Variants in COL22A1 observed in about 807,000 individuals in gnomAD.
COL22A1 encodes the protein collagen type XXII alpha 1 chain, also known as collagen alpha-1(XXII) chain.
In COL22A1, 221 loss-of-function variants were observed where a neutral mutation model predicts 248.9. The observed-to-expected ratio is 0.89, with a 90% CI of 0.80 to 0.99. COL22A1 has a LOEUF of 0.99. Among genes scored for constraint, COL22A1 ranks in the 50% least tolerant of loss-of-function variants. COL22A1 has a pLI of 0.00. For synonymous variants in COL22A1, 891 were observed against 793.4 expected (o/e 1.12, Z -2.07); for missense variants, 2,240 against 2,179.0 (o/e 1.03, Z -0.56).
intron 1 of COL22A1, among the ~76,000 whole-genome samples, chr8:138,904,996 T>C (rs1814905197): frequency 6.6e-6 from 1 of 152,212 alleles, no homozygotes; most frequent in Non-Finnish European, 1.5e-5. Context: ...GGTTGCCTCA[T>C]CTGTAAAAAG....
At chr8:138,623,262 ATGTGTGTGTGTGTGTGTG>A (rs5895542) in intron 52 of COL22A1, among the ~76,000 whole-genome samples, 20 of 143,570 alleles carry the variant, frequency 1.4e-4, no homozygotes, top group African/African-American at 4.5e-4. Flanking sequence ...ATATATATTT[ATGTGTGTGTGTGTGTGTG>A]TGTGTGTGTG....
chr8:138,834,227 C>A (rs1357140644), intron 4 of COL22A1, among the ~76,000 whole-genome samples: 1 of 151,958 alleles, frequency 6.6e-6, no homozygotes, highest in South Asian at 2.1e-4. Flanking sequence ...CCAGGCTGAA[C>A]TCACCTGTGC....
chr8:138,623,866 T>C lies in COL22A1; in HGVS notation c.3718-81A>G, dbSNP rs372777897. The C allele has an allele frequency of 1.8e-4, 226 of 1,261,632 alleles. No homozygotes were observed. In the African/African-American group the frequency reaches 3.0e-3, roughly 17 times the overall value. 78.2% of individuals were successfully genotyped at this position (1,261,632 alleles called of 1,614,324 possible). A position where few individuals can be genotyped will look rare whatever the true frequency, so the allele number is the denominator to read the frequency against. ...AGACGAAGGCAGTTTCAGCATGTCT[T>C]CCTGCCCAGCTTCCAGCAGTTGCCT... On this transcript the variant is annotated intron_variant, in intron 51 of 64. Coordinates refer to ENST00000303045, the MANE Select transcript of COL22A1 (RefSeq NM_152888.3).
At position 138,779,579 on chromosome 8, in the gene COL22A1, A is replaced by G; in HGVS notation, c.1651-17T>C. On this transcript the variant is annotated splice_polypyrimidine_tract_variant and intron_variant, in intron 13 of 64. Coordinates refer to ENST00000303045, the MANE Select transcript of COL22A1 (RefSeq NM_152888.3). ...TGGCTCCCCCTGAACAAACAAAACA[A>G]CACAAAGTCATAGGCAGTGGGACAC... is the stretch of plus-strand genomic sequence containing the variant. 1 of 1,603,248 alleles carries G rather than the reference A, an allele frequency of 6.2e-7. No individual in the cohort carries two copies. Among genetic ancestry groups the G allele is most frequent in the Non-Finnish European group, 8.5e-7 (1 of 1,170,156 alleles).
chr8:138,834,353 A>AAAAAAAAC (rs1452063134), intron 4 of COL22A1, among the ~76,000 whole-genome samples: 2 of 152,150 alleles, frequency 1.3e-5, no homozygotes, highest in Non-Finnish European at 2.9e-5. Flanking sequence ...AAAAGAAAAA[A>AAAAAAAAC]AAAAAAACAG....
At chr8:138,895,572 A>C (rs1825349034) in intron 1 of COL22A1, among the ~76,000 whole-genome samples, 1 of 152,202 alleles carries the variant, frequency 6.6e-6, no homozygotes, top group African/African-American at 2.4e-5. Flanking sequence ...CTGACTAAAA[A>C]ATCAGCAAAC....
intron 4 of COL22A1, 23 bp downstream of exon 4, chr8:138,844,061 C>A: frequency 6.2e-7 from 1 of 1,605,246 alleles, no homozygotes; most frequent in South Asian, 1.1e-5. Context: ...AGCAAGCACA[C>A]GTGGTTATTG....
At chr8:138,868,419 A>G (rs55720753) in intron 3 of COL22A1, among the ~76,000 whole-genome samples, 1 of 152,186 alleles carries the variant, frequency 6.6e-6, no homozygotes, top group East Asian at 1.9e-4. Context: ...TATATAATAC[A>G]TGTATGGTAT....
intron 60 of COL22A1, 75 bp downstream of exon 60, chr8:138,602,040 C>T: frequency 6.5e-7 from 1 of 1,538,304 alleles, no homozygotes; most frequent in South Asian, 1.1e-5. Context: ...TGGACAAAGG[C>T]CAGGCTCAAC....
chr8:138,778,379 CG>C lies in COL22A1; in HGVS notation c.1731del (p.Gly578AspfsTer78). On this transcript the variant is annotated frameshift_variant, in exon 15 of 65. Coordinates refer to ENST00000303045, the MANE Select transcript of COL22A1 (RefSeq NM_152888.3). LOFTEE classifies it high-confidence loss of function. ...GGAGCTCCGACACGTCCAGGAGGTC[CG>C]GGGAGTCCAGGTGGTCCTTGGGGCC... ...MRGPQGPPGLPGPPGRVGAPG... is the reference protein window; with the variant it reads ...MRGPQGPPGLXGPPGRVGAPG... 6.2e-7 allele frequency: 1 copy of C among 1,611,600 alleles called. No individual in the cohort carries two copies. The highest frequency in any genetic ancestry group is 8.5e-7 in the Non-Finnish European group (1 of 1,179,170).
chr8:138,681,069 C>T (rs1340515405), intron 39 of COL22A1, among the ~76,000 whole-genome samples: 1 of 152,178 alleles, frequency 6.6e-6, no homozygotes, highest in Non-Finnish European at 1.5e-5. Flanking sequence ...CAACTGCATG[C>T]CTGCAGAGAT....
At chr8:138,896,710 T>C (rs575258928) in intron 1 of COL22A1, among the ~76,000 whole-genome samples, 1 of 152,296 alleles carries the variant, frequency 6.6e-6, no homozygotes, top group East Asian at 1.9e-4. Flanking sequence ...CGGTGGCTTA[T>C]GCTTGTAATC....
chr8:138,801,299 A>T (rs1416800494), intron 11 of COL22A1, among the ~76,000 whole-genome samples: 1 of 152,216 alleles, frequency 6.6e-6, no homozygotes, highest in African/African-American at 2.4e-5. Context: ...CATTCCCATT[A>T]GAGACGTGAT....
intron 34 of COL22A1, 25 bp from the exon 35 acceptor site, chr8:138,693,724 G>A (rs760293396): frequency 2.5e-5 from 39 of 1,557,198 alleles, no homozygotes; most frequent in African/African-American, 6.8e-5. Context: ...AAAGAGGGGC[G>A]GGGGTAAGAC....
At chr8:138,668,223 A>G (rs1325452159) in intron 41 of COL22A1, among the ~76,000 whole-genome samples, 1 of 152,214 alleles carries the variant, frequency 6.6e-6, no homozygotes, top group Non-Finnish European at 1.5e-5. Flanking sequence ...AAATATCTAC[A>G]GACAAAATGT....
At chr8:138,625,705 TG>T in intron 51 of COL22A1, among the ~76,000 whole-genome samples, 1 of 152,190 alleles carries the variant, frequency 6.6e-6, no homozygotes, top group East Asian at 1.9e-4. Flanking sequence ...TTAAAATAAT[TG>T]TAAAGTTTAT....
At chr8:138,867,808 C>T (rs1328285411) in intron 3 of COL22A1, among the ~76,000 whole-genome samples, 1 of 152,184 alleles carries the variant, frequency 6.6e-6, no homozygotes, top group African/African-American at 2.4e-5. Context: ...TACTCTGTCG[C>T]CAGACTGGAG....
intron 1 of COL22A1, among the ~76,000 whole-genome samples, chr8:138,903,917 G>C (rs999828282): frequency 2.0e-5 from 3 of 152,144 alleles, no homozygotes; most frequent in African/African-American, 7.2e-5. Flanking sequence ...CCATGTGCCA[G>C]TGTGTGGGGG....
chr8:138,681,271 T>G (rs1825940949), intron 39 of COL22A1, among the ~76,000 whole-genome samples: 1 of 152,222 alleles, frequency 6.6e-6, no homozygotes, highest in African/African-American at 2.4e-5. Flanking sequence ...CATACTTGTA[T>G]GATAACATTT....
Sources: allele counts gnomAD v4.1 joint callset (sites outside exome capture counted in the v4.1 genomes callset), GRCh38; gene constraint gnomAD v4.1.1; transcripts MANE v1.5; gene names NCBI Gene and HGNC (gene_info 2026-07-23, HGNC 2026-07-21).